Variants in GIP observed in about 807,000 individuals in gnomAD.
GIP encodes the protein gastric inhibitory polypeptide, also known as glucose-dependent insulinotropic polypeptide.
GIP carries 16 observed loss-of-function variants against 18.1 expected under a neutral mutation model. The observed-to-expected ratio is 0.88, with a 90% CI of 0.60 to 1.34. GIP has a LOEUF of 1.34. Ranked by LOEUF, GIP falls within the 40% of genes most tolerant of loss-of-function variation. GIP has a pLI of 0.00. For synonymous variants in GIP, 76 were observed against 74.0 expected (o/e 1.03, Z -0.14); for missense variants, 192 against 183.4 (o/e 1.05, Z -0.27).
intron 4 of GIP, 25 bp downstream of exon 4, chr17:48,961,702 C>T: frequency 6.7e-7 from 1 of 1,496,306 alleles, no homozygotes; most frequent in Non-Finnish European, 9.3e-7. Context: ...TTGGCTCCCT[C>T]CCTTCCCTCT....
chr17:48,961,080 G>A lies in GIP; in HGVS notation c.351-93C>T, dbSNP rs1337661000. ...TTGGGGACACCACTGAGGGGCAGCC[G>A]CGGATGGGGGGAGGGAGCCGACACA... On this transcript the variant is annotated intron_variant, in intron 4 of 5. Coordinates refer to ENST00000357424, the MANE Select transcript of GIP (RefSeq NM_004123.3). 1.6e-5 allele frequency: 12 copies of A among 736,996 alleles called. No individual in the cohort carries two copies. The East Asian group carries it at 2.3e-4, about 14-fold the overall frequency. 45.7% of individuals were successfully genotyped at this position (736,996 alleles called of 1,614,324 possible).
rs147272749 is a variant in GIP at position 48,967,932 on chromosome 17, A to T, written c.-22+585T>A. The stretch of plus-strand genomic sequence containing the variant: ...CCAGGTGTGGTGGTGCGCGCCTGTG[A>T]TCCCAGCTATTCAGGAGGCTGAGGC... On this transcript the variant is annotated intron_variant, in intron 1 of 5. Coordinates refer to ENST00000357424, the MANE Select transcript of GIP (RefSeq NM_004123.3). 1.2e-3 allele frequency among the ~76,000 whole-genome samples: 175 copies of T among 151,924 alleles called. 1 individual carries two copies. In the East Asian group the frequency reaches 0.025, roughly 22 times the overall value.
rs184893003 is a variant in GIP at position 48,968,123 on chromosome 17, C to T, written c.-22+394G>A. ...TTTCTCTTTTTTTGAGACAGGGTTT[C>T]GCTCTGTCACCCGGGTTGGAGTGCA... On this transcript the variant is annotated intron_variant, in intron 1 of 5. Transcript: ENST00000357424. Among the ~76,000 whole-genome samples the T allele has an allele frequency of 4.6e-5, 7 of 152,090 alleles. No individual in the cohort carries two copies. In the South Asian group the frequency reaches 6.2e-4, roughly 14 times the overall value.
chr17:48,964,713 G>T (rs2041224842), intron 2 of GIP, among the ~76,000 whole-genome samples: 1 of 152,084 alleles, frequency 6.6e-6, no homozygotes, highest in Admixed American at 6.5e-5. Flanking sequence ...AGAGATCACG[G>T]GGCCAGGGGC....
At chr17:48,961,499 T>C (rs2041200314) in intron 4 of GIP, among the ~76,000 whole-genome samples, 1 of 152,182 alleles carries the variant, frequency 6.6e-6, no homozygotes, top group South Asian at 2.1e-4. Context: ...TTAGAAACCC[T>C]GTCCCTGAAA....
At chr17:48,961,038 A>G (rs1265538071) in intron 4 of GIP, 51 bp from the exon 5 acceptor site, 1 of 1,295,792 alleles carries the variant, frequency 7.7e-7, no homozygotes, top group Admixed American at 2.1e-5. Flanking sequence ...CTTCGCCCAG[A>G]GAGGGTAAAC....
intron 2 of GIP, among the ~76,000 whole-genome samples, chr17:48,966,103 CAA>C (rs1370767729): frequency 1.3e-5 from 2 of 151,670 alleles, no homozygotes; most frequent in African/African-American, 4.8e-5. Context: ...ACTAAAAATA[CAA>C]AAGTTAGCCG....
chr17:48,963,075 C>A (rs1202600512), intron 3 of GIP, among the ~76,000 whole-genome samples: 1 of 138,464 alleles, frequency 7.2e-6, no homozygotes, highest in African/African-American at 2.7e-5. Flanking sequence ...CCACTGCACT[C>A]CAGCCTGGGT....
chr17:48,960,764 T>C (rs1171282431), intron 5 of GIP, 122 bp downstream of exon 5: 15 of 693,956 alleles, frequency 2.2e-5, no homozygotes, highest in Non-Finnish European at 3.4e-5. Context: ...CTGATTTTAG[T>C]GAAAACACTG....
intron 2 of GIP, 137 bp from the exon 3 acceptor site, chr17:48,964,617 C>T: frequency 1.5e-6 from 1 of 667,190 alleles, no homozygotes; most frequent in East Asian, 2.8e-5. Context: ...TGGATCCACT[C>T]CCCCACCCCA....
chr17:48,963,196 C>T (rs1227992863), intron 3 of GIP, among the ~76,000 whole-genome samples: 1 of 152,022 alleles, frequency 6.6e-6, no homozygotes, highest in Non-Finnish European at 1.5e-5. Flanking sequence ...CTGGCCAGAG[C>T]TACCATGTCT....
chr17:48,958,885 C>T (rs533566565), intron 5 of GIP, among the ~76,000 whole-genome samples, 169 bp from the exon 6 acceptor site: 10 of 149,106 alleles, frequency 6.7e-5, no homozygotes, highest in Admixed American at 3.3e-4. Flanking sequence ...GACGGAGTCT[C>T]GCTCTGTCGC....
intron 1 of GIP, among the ~76,000 whole-genome samples, 154 bp downstream of exon 1, chr17:48,968,363 G>A (rs1038474139): frequency 6.6e-6 from 1 of 152,058 alleles, no homozygotes; most frequent in Non-Finnish European, 1.5e-5. Flanking sequence ...AAAGTATTGG[G>A]ATTACAGGCA....
At chr17:48,960,752 C>G (rs2143845709) in intron 5 of GIP, 134 bp downstream of exon 5, 1 of 675,616 alleles carries the variant, frequency 1.5e-6, no homozygotes. Flanking sequence ...GATTCTATAC[C>G]TCTGATTTTA....
intron 3 of GIP, 111 bp downstream of exon 3, chr17:48,964,199 A>G (rs897464349): frequency 3.0e-6 from 2 of 666,050 alleles, no homozygotes; most frequent in Non-Finnish European, 5.2e-6. Context: ...GAAAGGTGCC[A>G]CCTGGGGTTG....
intron 2 of GIP, 62 bp downstream of exon 2, chr17:48,967,085 T>C (rs1479166014): frequency 7.9e-7 from 1 of 1,264,408 alleles, no homozygotes; most frequent in African/African-American, 1.5e-5. Flanking sequence ...TAGAAACAAA[T>C]CCAGAACCTG....
At chr17:48,967,742 A>T (rs2041242886) in intron 1 of GIP, among the ~76,000 whole-genome samples, 1 of 151,540 alleles carries the variant, frequency 6.6e-6, no homozygotes. Flanking sequence ...ACTAGAAGGG[A>T]CATGGAATCT....
Position 48,961,807 on chromosome 17 carries a change from G to A in GIP, c.270C>T (p.Asn90=). The change falls in exon 4 of 6, where the codon AAC becomes AAT. Residue 90 remains asparagine (N), a synonymous_variant. Transcript: ENST00000357424. The part of the protein sequence containing the change: ...QKGKKNDWKH[N]ITQREARALE... ...GCGCCCGAGCCTCCCTCTGGGTGAT[G>A]TTGTGTTTCCAGCTGGGAAGATAAA... 1.2e-5 allele frequency: 19 copies of A among 1,611,886 alleles called. No homozygotes were observed. Among genetic ancestry groups the A allele is most frequent in the Non-Finnish European group, 1.6e-5 (19 of 1,179,012 alleles).
At chr17:48,967,332 A>T in intron 1 of GIP, 79 bp from the exon 2 acceptor site, 53 of 818,736 alleles carry the variant, frequency 6.5e-5, no homozygotes, top group Non-Finnish European at 1.0e-4. Flanking sequence ...CAAAGCCCTG[A>T]GGTTTGGACC....
Sources: gnomAD v4.1 joint callset for allele counts (sites outside exome capture counted in the v4.1 genomes callset) on GRCh38, gnomAD v4.1.1 for gene constraint, MANE v1.5 for transcripts, NCBI Gene and HGNC (gene_info 2026-07-23, HGNC 2026-07-21) for gene names.